The following CHN1 variants were observed in gnomAD, a reference collection of about 807,000 sequenced individuals.
CHN1 encodes N-chimaerin.
Under a neutral mutation model 59.5 loss-of-function variants are expected in CHN1, and 37 were observed. That is an observed-to-expected ratio of 0.62 (90% confidence interval 0.48 to 0.82). CHN1 has a LOEUF of 0.82. CHN1 is among the 40% of genes least tolerant of loss of function. CHN1 has a pLI of 0.00. For missense variants in CHN1, 469 were observed against 571.0 expected (o/e 0.82, Z 1.82); for synonymous variants, 206 against 200.4 (o/e 1.03, Z -0.24).
At chr2:174,972,515 CT>C (rs1480134322) in intron 1 of CHN1, among the ~76,000 whole-genome samples, 2 of 152,068 alleles carry the variant, frequency 1.3e-5, no homozygotes, top group African/African-American at 2.4e-5. Context: ...CTATGAATCA[CT>C]TTGTTGGGGA....
chr2:174,915,208 A>G, intron 4 of CHN1, 37 bp from the exon 5 acceptor site: 2 of 1,485,950 alleles, frequency 1.3e-6, no homozygotes, highest in Non-Finnish European at 1.9e-6. Flanking sequence ...TGTGCTTTCT[A>G]CATTTTTCAA....
intron 5 of CHN1, 127 bp downstream of exon 5, chr2:174,914,931 A>G: frequency 1.9e-6 from 1 of 529,680 alleles, no homozygotes; most frequent in East Asian, 3.0e-5. Context: ...AAGCTATTAA[A>G]ATGGTAATTA....
chr2:174,988,997 T>C (rs1559012349), intron 1 of CHN1, among the ~76,000 whole-genome samples: 1 of 152,212 alleles, frequency 6.6e-6, no homozygotes, highest in East Asian at 1.9e-4. Context: ...TAATCTATTA[T>C]AAAGTCTTCA....
At chr2:175,001,351 T>C (rs1691883659) in intron 1 of CHN1, among the ~76,000 whole-genome samples, 1 of 152,238 alleles carries the variant, frequency 6.6e-6, no homozygotes, top group Non-Finnish European at 1.5e-5. Flanking sequence ...TACATTTTAA[T>C]TTCAGGACAT....
intron 5 of CHN1, among the ~76,000 whole-genome samples, chr2:174,883,514 AT>A (rs1412605476): frequency 1.3e-5 from 2 of 152,194 alleles, no homozygotes; most frequent in Admixed American, 6.5e-5. Flanking sequence ...AGTAGAGACC[AT>A]CATCCTATAA....
chr2:174,799,829 T>C lies in CHN1; in HGVS notation c.*287A>G, dbSNP rs1211387243. 1.1e-5 allele frequency: 6 copies of C among 563,572 alleles called. No homozygotes were observed. In the African/African-American group the frequency reaches 1.1e-4, roughly 10 times the overall value. The allele number at this position is 563,572 out of a possible 1,614,324, so 34.9% of individuals were successfully genotyped here. A position where few individuals can be genotyped will look rare whatever the true frequency, so the allele number is the denominator to read the frequency against. The stretch of plus-strand genomic sequence containing the variant: ...AGGCGGTGCAGGCGCAGGTTTGTTG[T>C]TTCTTCTGTATGGGGTTTCCTTGCC... On this transcript the variant is annotated 3_prime_UTR_variant, in exon 13 of 13. Coordinates refer to ENST00000409900, the MANE Select transcript of CHN1 (RefSeq NM_001822.7).
At chr2:174,834,437 A>T (rs1042685959) in intron 7 of CHN1, among the ~76,000 whole-genome samples, 1 of 152,190 alleles carries the variant, frequency 6.6e-6, no homozygotes, top group Non-Finnish European at 1.5e-5. Flanking sequence ...ATATTCTTGT[A>T]GTACCAGTCT....
chr2:174,855,229 G>A (rs1419363775), intron 6 of CHN1, among the ~76,000 whole-genome samples: 1 of 152,124 alleles, frequency 6.6e-6, no homozygotes, highest in African/African-American at 2.4e-5. Flanking sequence ...TAACATCAAG[G>A]TGATACCATA....
intron 6 of CHN1, among the ~76,000 whole-genome samples, chr2:174,873,435 T>C (rs137905393): frequency 5.6e-4 from 86 of 152,354 alleles, no homozygotes; most frequent in African/African-American, 1.6e-3. Context: ...TCTGGTACTG[T>C]TACCTTTATT....
At chr2:174,838,092 CTCTT>C (rs1011046690) in intron 7 of CHN1, among the ~76,000 whole-genome samples, 7 of 151,954 alleles carry the variant, frequency 4.6e-5, no homozygotes, top group Non-Finnish European at 1.0e-4. Context: ...GTAAACCTCA[CTCTT>C]TTTTTTTTCT....
chr2:174,944,365 T>G (rs1689764037), intron 3 of CHN1, among the ~76,000 whole-genome samples: 1 of 152,228 alleles, frequency 6.6e-6, no homozygotes, highest in Non-Finnish European at 1.5e-5. Context: ...ATTCTGAGCT[T>G]TTAACTTTTG....
intron 1 of CHN1, among the ~76,000 whole-genome samples, chr2:174,985,490 AAC>A (rs145486131): frequency 0.014 from 2,120 of 152,320 alleles, 57 homozygotes; most frequent in African/African-American, 0.048. Context: ...AATAAAAAAT[AAC>A]AGTTACTTTA....
chr2:174,850,268 A>G (rs893533716), intron 6 of CHN1, among the ~76,000 whole-genome samples: 5 of 152,180 alleles, frequency 3.3e-5, no homozygotes, highest in African/African-American at 1.2e-4. Flanking sequence ...GTGTATTTCT[A>G]CACACCTTGA....
At chr2:174,989,142 C>T (rs1691455456) in intron 1 of CHN1, among the ~76,000 whole-genome samples, 1 of 150,994 alleles carries the variant, frequency 6.6e-6, no homozygotes. Flanking sequence ...TTTAGGGAGG[C>T]TGAGGTGGGC....
chr2:175,000,305 C>T (rs748808818), intron 1 of CHN1, among the ~76,000 whole-genome samples: 3 of 151,752 alleles, frequency 2.0e-5, no homozygotes, highest in East Asian at 3.9e-4. Flanking sequence ...CCATGCCAGG[C>T]TAATTTTTGT....
intron 1 of CHN1, among the ~76,000 whole-genome samples, chr2:174,981,463 A>G (rs1304333040): frequency 6.6e-6 from 1 of 152,180 alleles, no homozygotes; most frequent in South Asian, 2.1e-4. Context: ...AAGCAACTCT[A>G]TTTTTCATAT....
At chr2:174,962,816 A>G (rs1690458388) in intron 1 of CHN1, among the ~76,000 whole-genome samples, 1 of 152,136 alleles carries the variant, frequency 6.6e-6, no homozygotes, top group African/African-American at 2.4e-5. Flanking sequence ...AGGCTGAGGC[A>G]GGAGAATTGC....
intron 5 of CHN1, among the ~76,000 whole-genome samples, chr2:174,907,028 A>C (rs1688564018): frequency 1.3e-5 from 2 of 152,192 alleles, no homozygotes; most frequent in African/African-American, 4.8e-5. Flanking sequence ...TTGTTAATTG[A>C]AAATGAGAAA....
At chr2:174,876,415 A>T (rs1425982504) in intron 6 of CHN1, among the ~76,000 whole-genome samples, 1 of 152,206 alleles carries the variant, frequency 6.6e-6, no homozygotes, top group Non-Finnish European at 1.5e-5. Flanking sequence ...ATTCAAATAC[A>T]AGCATTACTA....
Sources: gnomAD v4.1 joint callset for allele counts (sites outside exome capture counted in the v4.1 genomes callset) on GRCh38, gnomAD v4.1.1 for gene constraint, MANE v1.5 for transcripts, NCBI Gene and HGNC (gene_info 2026-07-23, HGNC 2026-07-21) for gene names.